Variants in MRE11 observed in about 807,000 individuals in gnomAD.
MRE11 encodes the protein MRE11 double strand break repair nuclease, also known as double-strand break repair protein MRE11.
MRE11 carries 62 observed loss-of-function variants against 91.7 expected under a neutral mutation model. The ratio of observed to expected loss-of-function variants is 0.68; its 90% CI spans 0.55 to 0.84. The LOEUF is 0.84. Among genes scored for constraint, MRE11 ranks in the 40% least tolerant of loss-of-function variants. The pLI is 0.00. For missense variants in MRE11, 796 were observed against 852.9 expected (o/e 0.93, Z 0.83); for synonymous variants, 273 against 271.4 (o/e 1.01, Z -0.06).
intron 13 of MRE11, among the ~76,000 whole-genome samples, chr11:94,456,632 A>G (rs1946254475): frequency 6.6e-6 from 1 of 152,228 alleles, no homozygotes; most frequent in African/African-American, 2.4e-5. Context: ...CCCTATGGGT[A>G]TTACACTTCA....
intron 16 of MRE11, among the ~76,000 whole-genome samples, chr11:94,438,635 C>A (rs1336047702): frequency 6.6e-6 from 1 of 152,128 alleles, no homozygotes; most frequent in African/African-American, 2.4e-5. Context: ...CACTGGAAGG[C>A]AAAAGATGAG....
chr11:94,506,670 C>A, the MRE11 span, among the ~76,000 whole-genome samples: 2 of 150,998 alleles, frequency 1.3e-5, no homozygotes, highest in Non-Finnish European at 2.9e-5. Flanking sequence ...CTCACTGCAG[C>A]CTTGAACTCC....
chr11:94,432,980 C>T (rs1005193451), intron 18 of MRE11, among the ~76,000 whole-genome samples: 1 of 152,220 alleles, frequency 6.6e-6, no homozygotes, highest in Non-Finnish European at 1.5e-5. Context: ...TACAACACAT[C>T]TGTCCTTTCT....
chr11:94,472,821 C>A (rs910775815), intron 7 of MRE11: 2 of 152,066 alleles, frequency 1.3e-5, no homozygotes, highest in African/African-American at 4.8e-5. Context: ...TCCAAAAAAT[C>A]CAAAATCTTA....
At chr11:94,478,044 C>G (rs1591705813) in intron 6 of MRE11, among the ~76,000 whole-genome samples, 1 of 151,864 alleles carries the variant, frequency 6.6e-6, no homozygotes, top group South Asian at 2.1e-4. Flanking sequence ...AGCTGGGGGA[C>G]AGGGAGGGGT....
At chr11:94,481,171 T>A (rs1347189161) in intron 4 of MRE11, among the ~76,000 whole-genome samples, 1 of 152,054 alleles carries the variant, frequency 6.6e-6, no homozygotes, top group Non-Finnish European at 1.5e-5. Flanking sequence ...TAGCCGTGCA[T>A]GGTGGCACAT....
rs553562389 is a variant in MRE11 at position 94,470,697 on chromosome 11, G to A, written c.846-55C>T. 21 of 1,571,812 alleles carry A rather than the reference G, an allele frequency of 1.3e-5. No individual in the cohort carries two copies. In the South Asian group the frequency reaches 1.9e-4, roughly 14 times the overall value. On this transcript the variant is annotated intron_variant, in intron 8 of 19. Coordinates refer to ENST00000323929, the MANE Select transcript of MRE11 (RefSeq NM_005591.4). ...ACAGTGTAAATTTCCTCAGGGTGAT[G>A]TGCAAACGAAAGCTTTCATATTTCT...
chr11:94,469,428 C>T (rs1946650034), intron 9 of MRE11, among the ~76,000 whole-genome samples: 1 of 152,104 alleles, frequency 6.6e-6, no homozygotes. Flanking sequence ...AGTTGAAAAA[C>T]CCAGGTCTGA....
Position 94,418,789 on chromosome 11 carries a change from C to T in MRE11, c.*1336G>A, listed in dbSNP as rs1945088102. On this transcript the variant is annotated 3_prime_UTR_variant, in exon 20 of 20. Coordinates refer to ENST00000323929, the MANE Select transcript of MRE11 (RefSeq NM_005591.4). Reference sequence around the variant, plus strand: ...ATAACCCTTATGCTCAAGTTAGGTACAGAAAAAATATTTTTAAGAAAGTCA... The same window carrying T: ...ATAACCCTTATGCTCAAGTTAGGTATAGAAAAAATATTTTTAAGAAAGTCA... The T allele has an allele frequency of 4.3e-6, 1 of 231,868 alleles. No individual in the cohort carries two copies. Among genetic ancestry groups the T allele is most frequent in the African/African-American group, 2.2e-5 (1 of 45,286 alleles). 14.4% of individuals were successfully genotyped at this position (231,868 alleles called of 1,614,324 possible). A position where few individuals can be genotyped will look rare whatever the true frequency, so the allele number is the denominator to read the frequency against.
chr11:94,478,530 A>T (rs112160581), intron 6 of MRE11, among the ~76,000 whole-genome samples: 6 of 152,060 alleles, frequency 3.9e-5, no homozygotes, highest in African/African-American at 1.2e-4. Context: ...ACCTGAGTCT[A>T]AAAAAAACCC....
chr11:94,481,692 C>T (rs1947017061), intron 4 of MRE11, among the ~76,000 whole-genome samples: 1 of 152,190 alleles, frequency 6.6e-6, no homozygotes, highest in African/African-American at 2.4e-5. Context: ...TCATCAAATA[C>T]TCAATTCCTA....
Position 94,482,281 on chromosome 11 carries a change from A to G in MRE11, c.315-2520T>C, listed in dbSNP as rs114384584. 7.5e-3 allele frequency among the ~76,000 whole-genome samples: 1,148 copies of G among 152,364 alleles called. 12 individuals are homozygous for G. Among genetic ancestry groups the G allele is most frequent in the African/African-American group, 0.025 (1,050 of 41,586 alleles). ...ATGAAGGACAGAACTAAGGTAGAGTAGTTAAGTGACTAACATAATTTTACA... is the reference window on the plus strand; with the variant it reads ...ATGAAGGACAGAACTAAGGTAGAGTGGTTAAGTGACTAACATAATTTTACA... On this transcript the variant is annotated intron_variant, in intron 4 of 19. Coordinates refer to ENST00000323929, the MANE Select transcript of MRE11 (RefSeq NM_005591.4).
At chr11:94,453,005 A>C (rs982261527) in intron 14 of MRE11, among the ~76,000 whole-genome samples, 4 of 152,148 alleles carry the variant, frequency 2.6e-5, no homozygotes, top group African/African-American at 9.7e-5. Flanking sequence ...CCCTCTCCCC[A>C]GTAACCACTA....
chr11:94,430,636 A>C (rs1367955044), intron 18 of MRE11, among the ~76,000 whole-genome samples: 1 of 151,744 alleles, frequency 6.6e-6, no homozygotes, highest in Non-Finnish European at 1.5e-5. Flanking sequence ...TAATTTTTGT[A>C]TTTTTAGTAG....
intron 16 of MRE11, among the ~76,000 whole-genome samples, chr11:94,440,919 C>T (rs1945763511): frequency 6.6e-6 from 1 of 152,150 alleles, no homozygotes; most frequent in Non-Finnish European, 1.5e-5. Context: ...TATCACCCAC[C>T]AGGGGGTTGC....
chr11:94,473,562 CTT>C (rs35182130), intron 7 of MRE11: 1 of 152,084 alleles, frequency 6.6e-6, no homozygotes, highest in Non-Finnish European at 1.5e-5. Flanking sequence ...TGAAAACCTT[CTT>C]TGTTTTAAAT....
At chr11:94,457,913 A>C (rs530550245) in intron 13 of MRE11, among the ~76,000 whole-genome samples, 21 of 146,706 alleles carry the variant, frequency 1.4e-4, no homozygotes, top group Admixed American at 2.1e-4. Flanking sequence ...ACACACACAC[A>C]CCCCACACAG....
intron 1 of MRE11, 38 bp from the exon 2 acceptor site, chr11:94,492,944 A>G: frequency 1.3e-6 from 1 of 757,854 alleles, no homozygotes; most frequent in Non-Finnish European, 2.3e-6. Flanking sequence ...CATTTTTTAA[A>G]AGCCTGCACG....
intron 4 of MRE11, among the ~76,000 whole-genome samples, chr11:94,481,371 CTTTA>C (rs1172957343): frequency 6.6e-6 from 1 of 151,836 alleles, no homozygotes; most frequent in Non-Finnish European, 1.5e-5. Context: ...TGTCCATATT[CTTTA>C]TTTATTACTA....
Sources: gnomAD v4.1 joint callset for allele counts (sites outside exome capture counted in the v4.1 genomes callset) on GRCh38, gnomAD v4.1.1 for gene constraint, MANE v1.5 for transcripts, NCBI Gene and HGNC (gene_info 2026-07-23, HGNC 2026-07-21) for gene names.